Variants in IFT52 observed in about 807,000 individuals in gnomAD.
The protein encoded by IFT52 is intraflagellar transport protein 52 homolog.
In IFT52, 44 loss-of-function variants were observed where a neutral mutation model predicts 54.4. The ratio of observed to expected loss-of-function variants is 0.81; its 90% confidence interval spans 0.63 to 1.04. IFT52 has a LOEUF of 1.04. IFT52 is among the 50% of genes least tolerant of loss of function. The probability of loss-of-function intolerance (pLI) is 0.00; values close to 1 mark genes in which losing one functional copy is unlikely to be tolerated. For missense variants in IFT52, 452 were observed against 523.6 expected (o/e 0.86, Z 1.33); for synonymous variants, 181 against 185.3 (o/e 0.98, Z 0.19).
At chr20:43,592,805 A>G (rs1025446209) in intron 1 of IFT52, among the ~76,000 whole-genome samples, 2 of 152,242 alleles carry the variant, frequency 1.3e-5, no homozygotes, top group African/African-American at 4.8e-5. Context: ...TTGTTTAATG[A>G]TCAATTAGAA....
chr20:43,597,053 T>G (rs184153725), intron 3 of IFT52, among the ~76,000 whole-genome samples: 1 of 151,474 alleles, frequency 6.6e-6, no homozygotes, highest in East Asian at 2.0e-4. Flanking sequence ...TAGCCACATT[T>G]CTTTGCTATA....
intron 10 of IFT52, among the ~76,000 whole-genome samples, chr20:43,634,639 TG>T (rs1486943689): frequency 2.3e-3 from 348 of 151,738 alleles, no homozygotes; most frequent in African/African-American, 6.1e-3. Flanking sequence ...TTTTATGAGG[TG>T]TTTTTTTTTT....
At chr20:43,611,280 C>A (rs1414411406) in intron 6 of IFT52, among the ~76,000 whole-genome samples, 1 of 152,074 alleles carries the variant, frequency 6.6e-6, no homozygotes, top group Non-Finnish European at 1.5e-5. Flanking sequence ...ATAAGTGAAG[C>A]TTGTATTCAT....
intron 12 of IFT52, among the ~76,000 whole-genome samples, chr20:43,639,427 T>C (rs769546606): frequency 6.6e-6 from 1 of 151,944 alleles, no homozygotes; most frequent in East Asian, 1.9e-4. Flanking sequence ...TCCCGGCACA[T>C]TGGGAGGCCA....
At chr20:43,615,289 C>A (rs751248468) in intron 7 of IFT52, among the ~76,000 whole-genome samples, 6 of 152,028 alleles carry the variant, frequency 3.9e-5, no homozygotes, top group African/African-American at 9.7e-5. Flanking sequence ...CAATCCCCCC[C>A]ACCTCAGCCT....
At chr20:43,621,266 A>G (rs941999559) in intron 9 of IFT52, among the ~76,000 whole-genome samples, 1 of 152,212 alleles carries the variant, frequency 6.6e-6, no homozygotes, top group African/African-American at 2.4e-5. Context: ...TAAAGAAACA[A>G]AGAGTATCAG....
At chr20:43,628,738 C>G (rs1447384206) in intron 10 of IFT52, among the ~76,000 whole-genome samples, 2 of 152,040 alleles carry the variant, frequency 1.3e-5, no homozygotes, top group Non-Finnish European at 2.9e-5. Context: ...GTAGTCCCAG[C>G]TACTCGGGAG....
intron 11 of IFT52, among the ~76,000 whole-genome samples, chr20:43,636,552 G>C (rs1215758888): frequency 6.6e-6 from 1 of 152,060 alleles, no homozygotes; most frequent in Non-Finnish European, 1.5e-5. Flanking sequence ...TACAGAAAAT[G>C]GTAAATGCTA....
intron 3 of IFT52, among the ~76,000 whole-genome samples, chr20:43,602,140 TTATTTTATTTA>T (rs1269332569): frequency 3.4e-4 from 5 of 14,580 alleles, no homozygotes; most frequent in South Asian, 2.6e-3. Flanking sequence ...GAGCTGATTT[TTATTTTATTTA>T]TTTATTTATT....
chr20:43,642,169 G>A (rs1287662416), intron 12 of IFT52: 2 of 243,310 alleles, frequency 8.2e-6, no homozygotes, highest in African/African-American at 4.5e-5. Context: ...TTGCATTCAG[G>A]GAATGATAAT....
At chr20:43,622,782 A>T (rs1033115127) in intron 9 of IFT52, among the ~76,000 whole-genome samples, 63 of 140,266 alleles carry the variant, frequency 4.5e-4, no homozygotes, top group Non-Finnish European at 8.4e-4. Context: ...GTGTAAATAT[A>T]AATATATACA....
At chr20:43,646,532 C>T (rs1600526819) in intron 13 of IFT52, among the ~76,000 whole-genome samples, 2 of 152,248 alleles carry the variant, frequency 1.3e-5, no homozygotes, top group Admixed American at 6.5e-5. Flanking sequence ...GTCTAAGTGC[C>T]ATCCATGAAG....
chr20:43,631,213 A>G (rs1392196649), intron 10 of IFT52, among the ~76,000 whole-genome samples: 5 of 152,182 alleles, frequency 3.3e-5, no homozygotes, highest in East Asian at 1.9e-4. Flanking sequence ...AGTTTCTTCT[A>G]TAAGAGATTA....
intron 8 of IFT52, among the ~76,000 whole-genome samples, chr20:43,620,137 G>C (rs1019257588): frequency 6.6e-6 from 1 of 151,636 alleles, no homozygotes; most frequent in Non-Finnish European, 1.5e-5. Flanking sequence ...GGCTGGTCTC[G>C]AACTCCTGAC....
In IFT52 at chr20:43,619,030, A is replaced by C. The variant is rs2145631534; in HGVS notation, c.699+4A>C. ...AGAAGAAAACAGCAAAATCATGGTA[A>C]GCTTTTTCTTTTGTCATATTAATAT... is the stretch of plus-strand genomic sequence containing the variant. On this transcript the variant is annotated splice_donor_region_variant and intron_variant, in intron 8 of 13. Coordinates refer to ENST00000373030, the MANE Select transcript of IFT52 (RefSeq NM_016004.5). The C allele has an allele frequency of 6.3e-7, 1 of 1,586,838 alleles. No individual in the cohort carries two copies. The highest frequency in any genetic ancestry group is 8.6e-7 in the Non-Finnish European group (1 of 1,156,096).
chr20:43,619,176 A>G, intron 8 of IFT52, 150 bp downstream of exon 8: 2 of 625,052 alleles, frequency 3.2e-6, no homozygotes, highest in South Asian at 4.0e-5. Context: ...CGAGTCAGGC[A>G]TAGTCCCAGT....
At chr20:43,629,348 C>CG (rs11400133) in intron 10 of IFT52, among the ~76,000 whole-genome samples, 107,298 of 151,842 alleles carry the variant, frequency 0.71, 38,560 homozygotes, top group East Asian at 0.8. Flanking sequence ...TCTCGACTCA[C>CG]TGCAAGCTCC....
At chr20:43,599,760 A>G (rs1337005445) in intron 3 of IFT52, among the ~76,000 whole-genome samples, 1 of 152,196 alleles carries the variant, frequency 6.6e-6, no homozygotes, top group Non-Finnish European at 1.5e-5. Flanking sequence ...GCTAGAAACT[A>G]GGCTGAACAG....
At position 43,637,137 on chromosome 20, in the gene IFT52, CCT is replaced by C; in HGVS notation, c.1012-7_1012-6del. 1 of 1,566,076 alleles carries C rather than the reference CCT, an allele frequency of 6.4e-7. No homozygotes were observed. Among genetic ancestry groups the C allele is most frequent in the Non-Finnish European group, 8.8e-7 (1 of 1,137,030 alleles). On this transcript the variant is annotated splice_region_variant and splice_polypyrimidine_tract_variant and intron_variant, in intron 11 of 13. Transcript: ENST00000373030. ...TCATTTCTAAATAATGACTTTATTT[CCT>C]TTTAGGTTTTTCCTCCCAGTTTCCG...
Sources: gnomAD v4.1 joint callset for allele counts (sites outside exome capture counted in the v4.1 genomes callset) on GRCh38, gnomAD v4.1.1 for gene constraint, MANE v1.5 for transcripts, NCBI Gene and HGNC (gene_info 2026-07-23, HGNC 2026-07-21) for gene names.